BNC2: variants seen among roughly 807,000 people sequenced by gnomAD.
BNC2 encodes the protein basonuclin zinc finger protein 2.
A neutral mutation model predicts 76.3 loss-of-function variants in BNC2; 20 were observed. That is an observed-to-expected ratio of 0.26 (90% CI 0.18 to 0.38). BNC2 has a LOEUF of 0.38. Ranked by LOEUF, BNC2 falls within the 10% of genes least tolerant of loss-of-function variation. The pLI, the probability that BNC2 is intolerant of heterozygous loss-of-function variation, is 1.00. For synonymous variants in BNC2, 582 were observed against 514.8 expected, an observed-to-expected ratio of 1.13 and a Z score of -1.77; for missense variants, 1,382 against 1,399.8, an observed-to-expected ratio of 0.99 and a Z score of 0.20.
chr9:16,590,315 C>G (rs1387586833), intron 3 of BNC2, among the ~76,000 whole-genome samples: 1 of 152,028 alleles, frequency 6.6e-6, no homozygotes, highest in Non-Finnish European at 1.5e-5. Flanking sequence ...GCCTCAGCCT[C>G]CCACGTAGCT....
At chr9:16,706,097 T>C (rs1414021763) in intron 3 of BNC2, among the ~76,000 whole-genome samples, 1 of 152,258 alleles carries the variant, frequency 6.6e-6, no homozygotes, top group Non-Finnish European at 1.5e-5. Flanking sequence ...AATGTTTTTA[T>C]AATTTTAAAA....
At position 16,597,294 on chromosome 9, in the gene BNC2, A is replaced by G. The variant is rs912693404; in HGVS notation, c.331-14209T>C. Among the ~76,000 whole-genome samples the G allele has an allele frequency of 2.6e-4, 39 of 152,186 alleles. 3 individuals are homozygous for G. Among genetic ancestry groups the G allele is most frequent in the Non-Finnish European group, 1.5e-5 (1 of 67,992 alleles). ...TTTCTTTTATACATAGCTTTATCCT[A>G]TAATTTTGTCCCTGTTGGGCACGCT... On this transcript the variant is annotated intron_variant, in intron 3 of 6. Coordinates refer to ENST00000380672, the MANE Select transcript of BNC2 (RefSeq NM_017637.6).
intron 3 of BNC2, among the ~76,000 whole-genome samples, chr9:16,648,164 A>C (rs1821688843): frequency 6.6e-6 from 1 of 152,198 alleles, no homozygotes. Flanking sequence ...TTCACTAGAG[A>C]GATAAATGCT....
At chr9:16,459,985 C>A (rs1821539577) in intron 5 of BNC2, among the ~76,000 whole-genome samples, 1 of 152,108 alleles carries the variant, frequency 6.6e-6, no homozygotes, top group East Asian at 1.9e-4. Flanking sequence ...AGCGCACGTG[C>A]AAGTGAGTAG....
At chr9:16,747,567 T>C (rs771062577) in intron 1 of BNC2, among the ~76,000 whole-genome samples, 2 of 152,210 alleles carry the variant, frequency 1.3e-5, no homozygotes, top group African/African-American at 4.8e-5. Context: ...TAAGAGAGTT[T>C]AGTCACTTGG....
chr9:16,693,127 C>CAAAAAA (rs34223075), intron 3 of BNC2, among the ~76,000 whole-genome samples: 4 of 60,426 alleles, frequency 6.6e-5, no homozygotes, highest in Admixed American at 2.4e-4. Context: ...AAGACAGTCT[C>CAAAAAA]AAAAAAAAAA....
At position 16,437,524 on chromosome 9, in the gene BNC2, C is replaced by T. The variant is rs751532939; in HGVS notation, c.670G>A (p.Asp224Asn). ...RDYVRGYILQ[D>N]AAGKVLDRWA... Reference sequence around the variant, plus strand: ...CGGTCCAGCACCTTGCCAGCAGCATCCTAGAGGCCACATCAAAGAAACAAC... The same window carrying T: ...CGGTCCAGCACCTTGCCAGCAGCATTCTAGAGGCCACATCAAAGAAACAAC... Residue 224 changes from aspartate to asparagine, a missense_variant and splice_region_variant, in exon 6 of 7, where the codon GAT becomes AAT. Asp to Asn is a conservative substitution (Grantham distance 23). Transcript: ENST00000380672. 18 of 1,611,486 alleles carry T rather than the reference C, an allele frequency of 1.1e-5. No homozygotes were observed. Among genetic ancestry groups the T allele is most frequent in the Non-Finnish European group, 1.5e-5 (18 of 1,179,978 alleles).
At position 16,584,368 on chromosome 9, in the gene BNC2, T is replaced by C. The variant is rs561363732; in HGVS notation, c.331-1283A>G. 3.7e-3 allele frequency among the ~76,000 whole-genome samples: 559 copies of C among 152,320 alleles called. 3 individuals carry two copies. Among genetic ancestry groups the C allele is most frequent in the African/African-American group, 0.013 (524 of 41,572 alleles). On this transcript the variant is annotated intron_variant, in intron 3 of 6. Transcript: ENST00000380672. ...TTAACATGACTGGGACAAATTCCAT[T>C]CACAGAGAATAAGACTGAGCAGGCT...
chr9:16,604,651 C>A (rs185962352), intron 3 of BNC2, among the ~76,000 whole-genome samples: 2 of 151,650 alleles, frequency 1.3e-5, no homozygotes, highest in Non-Finnish European at 2.9e-5. Context: ...TACAAAAAAA[C>A]ACAATTAGCC....
chr9:16,541,363 G>C (rs183771346), intron 5 of BNC2, among the ~76,000 whole-genome samples: 1 of 152,328 alleles, frequency 6.6e-6, no homozygotes, highest in African/African-American at 2.4e-5. Flanking sequence ...CCCTGATTCA[G>C]AATTGAAAAG....
chr9:16,651,177 G>C (rs75276790), intron 3 of BNC2, among the ~76,000 whole-genome samples: 1 of 152,152 alleles, frequency 6.6e-6, no homozygotes, highest in Non-Finnish European at 1.5e-5. Context: ...TTTCAAAAGA[G>C]ACCGTTACGA....
chr9:16,621,283 G>A (rs1437956440), intron 3 of BNC2, among the ~76,000 whole-genome samples: 3 of 152,108 alleles, frequency 2.0e-5, no homozygotes, highest in Non-Finnish European at 4.4e-5. Context: ...GGCAGCACCA[G>A]GGTATACTGC....
chr9:16,769,325 G>A lies in BNC2; in HGVS notation c.4-30840C>T, dbSNP rs141970094. ...TAGCACAGTGCCTAGCATAAAATAGGTGTCTAATAAATAACAGAGACATTA... is the reference window on the plus strand; with the variant it reads ...TAGCACAGTGCCTAGCATAAAATAGATGTCTAATAAATAACAGAGACATTA... On this transcript the variant is annotated intron_variant, in intron 1 of 6. Coordinates refer to ENST00000380672, the MANE Select transcript of BNC2 (RefSeq NM_017637.6). 1.3e-3 allele frequency among the ~76,000 whole-genome samples: 199 copies of A among 152,234 alleles called. 1 individual carries two copies. Among genetic ancestry groups the A allele is most frequent in the African/African-American group, 4.7e-3 (196 of 41,552 alleles).
chr9:16,764,558 T>C (rs971070450), intron 1 of BNC2, among the ~76,000 whole-genome samples: 6 of 152,230 alleles, frequency 3.9e-5, no homozygotes, highest in African/African-American at 7.2e-5. Context: ...ATAATCATTT[T>C]ACTTAAGGCA....
intron 1 of BNC2, among the ~76,000 whole-genome samples, chr9:16,847,138 T>C (rs974192712): frequency 2.0e-5 from 3 of 152,158 alleles, no homozygotes; most frequent in Non-Finnish European, 4.4e-5. Flanking sequence ...GTAGGTCTAC[T>C]TTCCAATTAC....
At chr9:16,586,134 C>A (rs7350234) in intron 3 of BNC2, among the ~76,000 whole-genome samples, 1 of 151,754 alleles carries the variant, frequency 6.6e-6, no homozygotes, top group Non-Finnish European at 1.5e-5. Flanking sequence ...TTGTCGTTCA[C>A]AGAATGTACC....
chr9:16,696,081 A>G (rs1888208), intron 3 of BNC2, among the ~76,000 whole-genome samples: 1 of 151,948 alleles, frequency 6.6e-6, no homozygotes, highest in African/African-American at 2.4e-5. Context: ...TTCCAGAATA[A>G]TTCTAACAAG....
intron 1 of BNC2, among the ~76,000 whole-genome samples, chr9:16,744,123 C>G (rs10962560): frequency 0.43 from 65,189 of 151,758 alleles, 18,801 homozygotes; most frequent in Non-Finnish European, 0.64. Context: ...CCTGCCACCA[C>G]GCCCGGCTAA....
At chr9:16,785,858 A>C (rs1261186199) in intron 1 of BNC2, among the ~76,000 whole-genome samples, 1 of 152,058 alleles carries the variant, frequency 6.6e-6, no homozygotes, top group Admixed American at 6.6e-5. Context: ...ACTTGACAGA[A>C]ACAAATGGCA....
Sources: gnomAD v4.1 joint callset for allele counts (sites outside exome capture counted in the v4.1 genomes callset) on GRCh38, gnomAD v4.1.1 for gene constraint, MANE v1.5 for transcripts, NCBI Gene and HGNC (gene_info 2026-07-23, HGNC 2026-07-21) for gene names.